RBFOX1: variants seen among roughly 807,000 people sequenced by gnomAD.
The protein encoded by RBFOX1 is RNA binding fox-1 homolog 1.
RBFOX1 carries 8 observed loss-of-function variants against 57.7 expected under a neutral mutation model. That is an observed-to-expected ratio of 0.14 (90% CI 0.08 to 0.25). RBFOX1 has a LOEUF of 0.25. RBFOX1 is among the 10% of genes least tolerant of loss of function. The probability of loss-of-function intolerance (pLI) is 1.00; values close to 1 mark genes in which losing one functional copy is unlikely to be tolerated. For missense variants in RBFOX1, 611 were observed against 548.5 expected (o/e 1.11, Z -1.14); for synonymous variants, 326 against 222.4 (o/e 1.47, Z -4.15).
intron 3 of RBFOX1, among the ~76,000 whole-genome samples, chr16:6,956,423 C>T (rs1351549772): frequency 6.6e-6 from 1 of 152,212 alleles, no homozygotes; most frequent in Non-Finnish European, 1.5e-5. Flanking sequence ...CCAGTGAATA[C>T]TTGAATTTGT....
At chr16:6,157,521 C>G (rs1029371818) in intron 1 of RBFOX1, among the ~76,000 whole-genome samples, 1 of 152,112 alleles carries the variant, frequency 6.6e-6, no homozygotes, top group African/African-American at 2.4e-5. Flanking sequence ...CCTATTCTGC[C>G]AGGACTACAT....
intron 1 of RBFOX1, among the ~76,000 whole-genome samples, chr16:5,425,612 G>A (rs1200339423): frequency 1.3e-5 from 2 of 152,302 alleles, no homozygotes; most frequent in South Asian, 2.1e-4. Context: ...AAGAGAGAAC[G>A]TGTCCTTTCT....
chr16:7,045,655 T>C (rs1568515987), intron 3 of RBFOX1, among the ~76,000 whole-genome samples: 1 of 147,128 alleles, frequency 6.8e-6, no homozygotes, highest in Non-Finnish European at 1.5e-5. Context: ...TTATATACTT[T>C]TTTTTTTTCA....
chr16:7,332,140 A>G (rs1298388031), intron 4 of RBFOX1, among the ~76,000 whole-genome samples: 2 of 152,230 alleles, frequency 1.3e-5, no homozygotes, highest in African/African-American at 2.4e-5. Flanking sequence ...TGTTGTGGTT[A>G]GGAATCGGGC....
At chr16:6,979,748 A>G (rs1405648649) in intron 3 of RBFOX1, among the ~76,000 whole-genome samples, 1 of 152,220 alleles carries the variant, frequency 6.6e-6, no homozygotes, top group Non-Finnish European at 1.5e-5. Context: ...TAAACAGTGG[A>G]TGAAGATTTT....
intron 3 of RBFOX1, among the ~76,000 whole-genome samples, chr16:6,930,194 T>C (rs908872285): frequency 1.3e-5 from 2 of 152,320 alleles, no homozygotes; most frequent in East Asian, 1.9e-4. Context: ...GGGATTAATA[T>C]TGAGAATATA....
intron 2 of RBFOX1, among the ~76,000 whole-genome samples, chr16:5,519,733 A>G (rs1247417017): frequency 4.6e-5 from 7 of 152,208 alleles, no homozygotes; most frequent in Admixed American, 4.6e-4. Flanking sequence ...TCAGAAAAAA[A>G]TGGCTGTTAA....
chr16:6,302,718 T>A (rs1016715508), intron 1 of RBFOX1, among the ~76,000 whole-genome samples: 1 of 152,214 alleles, frequency 6.6e-6, no homozygotes, highest in African/African-American at 2.4e-5. Flanking sequence ...AATCTCTTTC[T>A]TGTGCAAACA....
At chr16:7,645,131 G>C (rs2063506673) in intron 11 of RBFOX1, among the ~76,000 whole-genome samples, 1 of 151,998 alleles carries the variant, frequency 6.6e-6, no homozygotes, top group Non-Finnish European at 1.5e-5. Flanking sequence ...TTCTCTCCAA[G>C]TTCACATTCT....
chr16:7,283,481 A>G (rs923145592), intron 4 of RBFOX1, among the ~76,000 whole-genome samples: 1 of 152,010 alleles, frequency 6.6e-6, no homozygotes, highest in African/African-American at 2.4e-5. Context: ...TGAATTTGCT[A>G]AGAAAATCGT....
chr16:6,530,990 TC>T (rs1169169695), intron 2 of RBFOX1, among the ~76,000 whole-genome samples: 1 of 152,124 alleles, frequency 6.6e-6, no homozygotes, highest in Non-Finnish European at 1.5e-5. Context: ...TGGTGTCTGT[TC>T]CAACCATGCA....
At chr16:6,836,046 C>G (rs1190038168) in intron 3 of RBFOX1, among the ~76,000 whole-genome samples, 1 of 152,158 alleles carries the variant, frequency 6.6e-6, no homozygotes, top group Admixed American at 6.5e-5. Flanking sequence ...GAAAAGAAAC[C>G]TACTGTTCAA....
intron 4 of RBFOX1, among the ~76,000 whole-genome samples, chr16:7,115,909 G>T (rs182354961): frequency 6.6e-6 from 1 of 152,194 alleles, no homozygotes; most frequent in South Asian, 2.1e-4. Context: ...GCAGTGATGC[G>T]TATAATAGGC....
chr16:5,534,085 G>C (rs1354975478), intron 2 of RBFOX1, among the ~76,000 whole-genome samples: 1 of 152,146 alleles, frequency 6.6e-6, no homozygotes, highest in Non-Finnish European at 1.5e-5. Context: ...CCACCTGCCA[G>C]TTGCTGCCGC....
intron 5 of RBFOX1, among the ~76,000 whole-genome samples, chr16:7,560,026 G>C (rs2089932139): frequency 6.6e-6 from 1 of 152,216 alleles, no homozygotes; most frequent in African/African-American, 2.4e-5. Context: ...GATTTATCTT[G>C]AGTGCATAGG....
intron 3 of RBFOX1, among the ~76,000 whole-genome samples, chr16:6,807,770 T>G (rs1156814504): frequency 6.6e-6 from 1 of 151,922 alleles, no homozygotes; most frequent in Non-Finnish European, 1.5e-5. Context: ...GAGCTAAGAT[T>G]GTGTCACTGT....
intron 4 of RBFOX1, among the ~76,000 whole-genome samples, chr16:7,171,775 A>G (rs904359067): frequency 6.6e-6 from 1 of 152,150 alleles, no homozygotes; most frequent in Non-Finnish European, 1.5e-5. Context: ...TACTTCATCA[A>G]AGTTCCCAGG....
At chr16:6,847,815 A>T (rs947083657) in intron 3 of RBFOX1, among the ~76,000 whole-genome samples, 102 of 152,140 alleles carry the variant, frequency 6.7e-4, no homozygotes, top group African/African-American at 2.3e-3. Context: ...TATGAAAAAA[A>T]TTATTCCCAC....
At chr16:6,168,540 C>T (rs938730600) in intron 1 of RBFOX1, among the ~76,000 whole-genome samples, 5 of 152,002 alleles carry the variant, frequency 3.3e-5, no homozygotes, top group Admixed American at 1.3e-4. Flanking sequence ...TGATCATTAC[C>T]GATTATGTAT....
Sources: allele counts gnomAD v4.1 joint callset (sites outside exome capture counted in the v4.1 genomes callset), GRCh38; gene constraint gnomAD v4.1.1; transcripts MANE v1.5; gene names NCBI Gene and HGNC (gene_info 2026-07-23, HGNC 2026-07-21).